PPFIBP1: variants seen among roughly 807,000 people sequenced by gnomAD.
PPFIBP1 encodes PPFIB scaffold protein 1.
PPFIBP1 carries 112 observed loss-of-function variants against 137.8 expected under a neutral mutation model. The ratio of observed to expected loss-of-function variants is 0.81; its 90% CI spans 0.70 to 0.95. The LOEUF (loss-of-function observed/expected upper bound fraction) is 0.95. Ranked by LOEUF, PPFIBP1 falls within the 40% of genes least tolerant of loss-of-function variation. The probability of loss-of-function intolerance (pLI) is 0.00; values close to 1 mark genes in which losing one functional copy is unlikely to be tolerated. For missense variants in PPFIBP1, 1,083 were observed against 1,196.6 expected, an observed-to-expected ratio of 0.91 and a Z score of 1.40; for synonymous variants, 378 against 417.3, an observed-to-expected ratio of 0.91 and a Z score of 1.15.
intron 2 of PPFIBP1, among the ~76,000 whole-genome samples, chr12:27,609,729 C>T (rs1174791874): frequency 1.3e-5 from 2 of 152,146 alleles, no homozygotes; most frequent in African/African-American, 4.8e-5. Flanking sequence ...TTTTCAGCCT[C>T]ATTTGCAGCC....
chr12:27,539,615 C>T (rs1295023888), intron 1 of PPFIBP1, among the ~76,000 whole-genome samples: 1 of 152,162 alleles, frequency 6.6e-6, no homozygotes, highest in African/African-American at 2.4e-5. Flanking sequence ...ACTGCCTTAC[C>T]TGCCTATCTG....
At chr12:27,559,178 A>AT (rs34459684) in intron 1 of PPFIBP1, among the ~76,000 whole-genome samples, 130 of 145,952 alleles carry the variant, frequency 8.9e-4, no homozygotes, top group South Asian at 3.9e-3. Context: ...CTTAATAGTG[A>AT]TTTTTTTTTT....
At chr12:27,579,134 G>C (rs2050834543) in intron 2 of PPFIBP1, among the ~76,000 whole-genome samples, 1 of 152,216 alleles carries the variant, frequency 6.6e-6, no homozygotes, top group African/African-American at 2.4e-5. Flanking sequence ...CTGTCACACA[G>C]CTTTGGTACC....
chr12:27,684,153 G>T (rs1232043923), intron 24 of PPFIBP1, among the ~76,000 whole-genome samples: 1 of 151,742 alleles, frequency 6.6e-6, no homozygotes, highest in Non-Finnish European at 1.5e-5. Context: ...CTGCTGCCCA[G>T]GCTGGAGCGC....
At chr12:27,610,377 G>A (rs1184123422) in intron 2 of PPFIBP1, among the ~76,000 whole-genome samples, 1 of 152,182 alleles carries the variant, frequency 6.6e-6, no homozygotes, top group Middle Eastern at 3.2e-3. Context: ...CTCTGTAGCT[G>A]TTTTTCAGAG....
At position 27,685,655 on chromosome 12, in the gene PPFIBP1, T is replaced by A. The variant is rs1216347638; in HGVS notation, c.2248-1730T>A. Among the ~76,000 whole-genome samples the A allele has an allele frequency of 2.6e-5, 4 of 152,200 alleles. No individual in the cohort carries two copies. In the East Asian group the frequency reaches 7.7e-4, roughly 29 times the overall value. On this transcript the variant is annotated intron_variant, in intron 24 of 29. Coordinates refer to ENST00000228425, the MANE Select transcript of PPFIBP1 (RefSeq NM_003622.4). The stretch of plus-strand genomic sequence containing the variant: ...AATCCTAAGTCACAAAATATGTGTT[T>A]TAATGTGGATTAGATCCTGGAACAG...
chr12:27,676,926 G>A, intron 18 of PPFIBP1, 138 bp from the exon 19 acceptor site: 1 of 1,073,774 alleles, frequency 9.3e-7, no homozygotes, highest in Non-Finnish European at 1.4e-6. Context: ...TGTAACATCA[G>A]AAGCACTGTG....
intron 1 of PPFIBP1, among the ~76,000 whole-genome samples, chr12:27,524,893 T>C (rs1475893731): frequency 6.6e-6 from 1 of 152,196 alleles, no homozygotes; most frequent in African/African-American, 2.4e-5. Context: ...AGAAATTCAC[T>C]TGGGGTGTTT....
chr12:27,663,528 C>T (rs2059675555), intron 11 of PPFIBP1, among the ~76,000 whole-genome samples: 1 of 151,538 alleles, frequency 6.6e-6, no homozygotes. Context: ...CAGTCAAGTG[C>T]CATATGGAGG....
At chr12:27,601,229 A>G (rs913346250) in intron 2 of PPFIBP1, among the ~76,000 whole-genome samples, 4 of 152,246 alleles carry the variant, frequency 2.6e-5, no homozygotes, top group African/African-American at 9.6e-5. Context: ...CTCAGAAAGA[A>G]GGAAGTTGCC....
chr12:27,529,604 G>A lies in PPFIBP1; in HGVS notation c.-124+5239G>A, dbSNP rs1022609095. Among the ~76,000 whole-genome samples the A allele has an allele frequency of 3.3e-5, 5 of 152,364 alleles. No individual in the cohort carries two copies. In the East Asian group the frequency reaches 7.7e-4, roughly 23 times the overall value. On this transcript the variant is annotated intron_variant, in intron 1 of 29. Transcript: ENST00000228425. ...AGCTACTCAGGAGGCTGAGGCAGGAGAATTGCTTGAAGCCGGGAGGCGGAG... is the reference window on the plus strand; with the variant it reads ...AGCTACTCAGGAGGCTGAGGCAGGAAAATTGCTTGAAGCCGGGAGGCGGAG...
chr12:27,581,858 T>C (rs1479494816), intron 2 of PPFIBP1, among the ~76,000 whole-genome samples: 1 of 152,100 alleles, frequency 6.6e-6, no homozygotes, highest in Admixed American at 6.5e-5. Context: ...TTTCCATTTT[T>C]TTTTCTTTAG....
chr12:27,590,663 T>G (rs1392358752), intron 2 of PPFIBP1, among the ~76,000 whole-genome samples: 3 of 152,190 alleles, frequency 2.0e-5, no homozygotes, highest in Non-Finnish European at 4.4e-5. Context: ...GGATCAATAT[T>G]GCCCAGTAGT....
intron 1 of PPFIBP1, among the ~76,000 whole-genome samples, chr12:27,526,536 T>G (rs1194257691): frequency 2.6e-5 from 4 of 152,152 alleles, no homozygotes; most frequent in African/African-American, 9.7e-5. Flanking sequence ...CAAGAGCAAC[T>G]TTAAAAATTA....
At chr12:27,659,302 C>T (rs1022118283) in intron 10 of PPFIBP1, among the ~76,000 whole-genome samples, 1 of 152,150 alleles carries the variant, frequency 6.6e-6, no homozygotes, top group Non-Finnish European at 1.5e-5. Flanking sequence ...TCTGTTGTTA[C>T]AACAGAGATT....
chr12:27,680,896 C>T (rs2060836941), intron 21 of PPFIBP1, among the ~76,000 whole-genome samples: 1 of 152,184 alleles, frequency 6.6e-6, no homozygotes, highest in African/African-American at 2.4e-5. Context: ...ACATAGGTTA[C>T]ATCAAGGAGG....
intron 2 of PPFIBP1, among the ~76,000 whole-genome samples, chr12:27,612,677 C>G (rs1188050600): frequency 2.6e-5 from 4 of 152,050 alleles, no homozygotes; most frequent in Non-Finnish European, 5.9e-5. Context: ...TCACCCCACT[C>G]CCTGTTCCCG....
intron 9 of PPFIBP1, among the ~76,000 whole-genome samples, chr12:27,657,664 C>T (rs2059291560): frequency 6.6e-6 from 1 of 152,010 alleles, no homozygotes; most frequent in Non-Finnish European, 1.5e-5. Flanking sequence ...CCCTGTCCGT[C>T]AGAAAATTCA....
intron 11 of PPFIBP1, 50 bp downstream of exon 11, chr12:27,660,995 T>C (rs562236727): frequency 6.2e-7 from 1 of 1,601,028 alleles, no homozygotes; most frequent in Admixed American, 1.7e-5. Flanking sequence ...TAACACCATT[T>C]TGACCATTCC....
Sources: allele counts gnomAD v4.1 joint callset (sites outside exome capture counted in the v4.1 genomes callset), GRCh38; gene constraint gnomAD v4.1.1; transcripts MANE v1.5; gene names NCBI Gene and HGNC (gene_info 2026-07-23, HGNC 2026-07-21).